The following PINX1 variants were observed in gnomAD, a reference collection of about 807,000 sequenced individuals.
The protein encoded by PINX1 is PIN2/TERF1-interacting telomerase inhibitor 1.
A neutral mutation model predicts 25.4 loss-of-function variants in PINX1; 34 were observed. The observed-to-expected ratio is 1.34, with a 90% CI of 1.02 to 1.78. PINX1 has a LOEUF of 1.78. PINX1 is among the 40% of genes most tolerant of loss of function. The pLI is 0.00. For missense variants in PINX1, 592 were observed against 404.9 expected (o/e 1.46, Z -3.97); for synonymous variants, 197 against 147.7 (o/e 1.33, Z -2.42).
At chr8:10,796,326 A>G (rs927801533) in intron 6 of PINX1, among the ~76,000 whole-genome samples, 4 of 152,172 alleles carry the variant, frequency 2.6e-5, no homozygotes, top group African/African-American at 4.8e-5. Flanking sequence ...GAAATGGACA[A>G]TAAAAGAGGT....
rs578229959 is a variant in PINX1 at position 10,783,859 on chromosome 8, C to A, written c.472-17943G>T. The stretch of plus-strand genomic sequence containing the variant: ...AAGACTATAGCCTTGTGTAAAGACA[C>A]TGAGTCAATTCAAGCCTGATCCTAA... On this transcript the variant is annotated intron_variant, in intron 6 of 6. Transcript: ENST00000314787. Among the ~76,000 whole-genome samples the A allele has an allele frequency of 4.6e-5, 7 of 152,312 alleles. No homozygotes were observed. In the South Asian group the frequency reaches 1.2e-3, roughly 27 times the overall value.
chr8:10,783,466 C>T (rs1347935716), intron 6 of PINX1, among the ~76,000 whole-genome samples: 1 of 152,126 alleles, frequency 6.6e-6, no homozygotes, highest in Non-Finnish European at 1.5e-5. Flanking sequence ...CTTTTTTTCT[C>T]TCTGGAAAGC....
chr8:10,780,131 T>C (rs1801537881), intron 6 of PINX1, among the ~76,000 whole-genome samples: 2 of 152,218 alleles, frequency 1.3e-5, no homozygotes, highest in South Asian at 4.1e-4. Context: ...TCTTTGGGGT[T>C]TTCTACATAT....
chr8:10,803,353 ATC>A (rs1253052743), intron 6 of PINX1, among the ~76,000 whole-genome samples: 1 of 152,200 alleles, frequency 6.6e-6, no homozygotes, highest in African/African-American at 2.4e-5. Flanking sequence ...ATCTAATGCG[ATC>A]TATCATCAGT....
intron 1 of PINX1, 90 bp downstream of exon 1, chr8:10,839,648 C>A: frequency 7.3e-7 from 1 of 1,378,984 alleles, no homozygotes; most frequent in Non-Finnish European, 1.0e-6. Context: ...GCGCCGGCAA[C>A]CCGAGCTCCC....
At chr8:10,801,021 C>G (rs1411088151) in intron 6 of PINX1, among the ~76,000 whole-genome samples, 1 of 152,158 alleles carries the variant, frequency 6.6e-6, no homozygotes, top group Non-Finnish European at 1.5e-5. Flanking sequence ...TCTCTATTTT[C>G]TTAATAGATG....
intron 6 of PINX1, among the ~76,000 whole-genome samples, chr8:10,815,349 C>A (rs548315903): frequency 6.6e-6 from 1 of 152,258 alleles, no homozygotes; most frequent in Admixed American, 6.5e-5. Flanking sequence ...ATTGTTGTTT[C>A]GCTTTGATAT....
intron 6 of PINX1, chr8:10,787,810 T>A (rs1242376804): frequency 2.2e-6 from 1 of 455,918 alleles, no homozygotes; most frequent in East Asian, 7.0e-5. Flanking sequence ...GAATCCAAGG[T>A]GACTTCAACA....
At chr8:10,814,740 T>C (rs920314557) in intron 6 of PINX1, among the ~76,000 whole-genome samples, 1 of 152,226 alleles carries the variant, frequency 6.6e-6, no homozygotes, top group Non-Finnish European at 1.5e-5. Context: ...ATGATTTTTA[T>C]GGCAACAAAG....
At chr8:10,781,667 A>C (rs1335822643) in intron 6 of PINX1, among the ~76,000 whole-genome samples, 1 of 152,228 alleles carries the variant, frequency 6.6e-6, no homozygotes, top group African/African-American at 2.4e-5. Flanking sequence ...GAGAGTTATT[A>C]TCAAAAAGAT....
At chr8:10,777,150 A>G (rs1026778217) in intron 6 of PINX1, among the ~76,000 whole-genome samples, 3 of 152,008 alleles carry the variant, frequency 2.0e-5, no homozygotes, top group African/African-American at 7.2e-5. Context: ...GCAACTTCCA[A>G]CCCTTGGGTG....
chr8:10,766,006 C>A lies in PINX1; in HGVS notation c.472-90G>T, dbSNP rs1490904778. The A allele has an allele frequency of 3.1e-6, 4 of 1,293,968 alleles. No homozygotes were observed. In the South Asian group the frequency reaches 5.5e-5, roughly 18 times the overall value. 80.2% of individuals were successfully genotyped at this position (1,293,968 alleles called of 1,614,324 possible). A position where few individuals can be genotyped will look rare whatever the true frequency, so the allele number is the denominator to read the frequency against. ...GAGGCACCCACACCCGGCGCTCACA[C>A]CTGGCACCCACACCCGGCGCTCACA... On this transcript the variant is annotated intron_variant, in intron 6 of 6. Transcript: ENST00000314787.
At chr8:10,809,248 G>C (rs1371770920) in intron 6 of PINX1, among the ~76,000 whole-genome samples, 1 of 152,162 alleles carries the variant, frequency 6.6e-6, no homozygotes, top group African/African-American at 2.4e-5. Context: ...AACCCCTAAG[G>C]AGCAAGTGGC....
At chr8:10,773,447 C>G (rs1441343902) in intron 6 of PINX1, among the ~76,000 whole-genome samples, 1 of 152,102 alleles carries the variant, frequency 6.6e-6, no homozygotes, top group Non-Finnish European at 1.5e-5. Flanking sequence ...TCTCAGCAAC[C>G]CAGTAAGTAT....
intron 6 of PINX1, among the ~76,000 whole-genome samples, chr8:10,818,034 AT>A (rs1320781568): frequency 3.9e-5 from 6 of 152,220 alleles, no homozygotes; most frequent in Non-Finnish European, 8.8e-5. Context: ...TGGCATTAGC[AT>A]TTGTTTAAAG....
intron 4 of PINX1, among the ~76,000 whole-genome samples, chr8:10,827,062 C>T (rs377297798): frequency 6.6e-6 from 1 of 152,198 alleles, no homozygotes; most frequent in Non-Finnish European, 1.5e-5. Flanking sequence ...ATGTCAACTT[C>T]CCGGTTGCGA....
At chr8:10,775,776 T>C (rs1171075088) in intron 6 of PINX1, among the ~76,000 whole-genome samples, 1 of 152,220 alleles carries the variant, frequency 6.6e-6, no homozygotes, top group Non-Finnish European at 1.5e-5. Context: ...GTCACCGGCC[T>C]TTCCAGGCCT....
intron 4 of PINX1, among the ~76,000 whole-genome samples, chr8:10,827,909 T>TC (rs1798106726): frequency 1.5e-5 from 1 of 65,918 alleles, no homozygotes; most frequent in African/African-American, 5.0e-5. Context: ...AGACTCCATC[T>TC]CAAAAAAAAA....
At chr8:10,809,071 G>A (rs11250078) in intron 6 of PINX1, among the ~76,000 whole-genome samples, 96,817 of 152,112 alleles carry the variant, frequency 0.64, 31,988 homozygotes, top group African/African-American at 0.81. Context: ...CCAATCAGAG[G>A]ACATTTTTCA....
Sources: gnomAD v4.1 joint callset for allele counts (sites outside exome capture counted in the v4.1 genomes callset) on GRCh38, gnomAD v4.1.1 for gene constraint, MANE v1.5 for transcripts, NCBI Gene and HGNC (gene_info 2026-07-23, HGNC 2026-07-21) for gene names.